ZBTB16: variants seen among roughly 807,000 people sequenced by gnomAD.
ZBTB16 encodes the protein zinc finger and BTB domain-containing protein 16.
Under a neutral mutation model 56.8 loss-of-function variants are expected in ZBTB16, and 8 were observed. The observed-to-expected ratio is 0.14, with a 90% CI of 0.08 to 0.25. The LOEUF is 0.25. Among genes scored for constraint, ZBTB16 ranks in the 10% least tolerant of loss-of-function variants. ZBTB16 has a pLI of 1.00. For missense variants in ZBTB16, 625 were observed against 903.0 expected, an observed-to-expected ratio of 0.69 and a Z score of 3.95; for synonymous variants, 363 against 368.5, an observed-to-expected ratio of 0.98 and a Z score of 0.17.
chr11:114,234,813 C>T (rs532037119), intron 4 of ZBTB16, among the ~76,000 whole-genome samples: 1 of 152,332 alleles, frequency 6.6e-6, no homozygotes, highest in South Asian at 2.1e-4. Flanking sequence ...ATGCTGCTTG[C>T]CTCTGCCTCT....
chr11:114,151,771 C>A (rs901930186), intron 2 of ZBTB16, among the ~76,000 whole-genome samples: 1 of 152,192 alleles, frequency 6.6e-6, no homozygotes, highest in Non-Finnish European at 1.5e-5. Flanking sequence ...AGCCTTCCCC[C>A]CTTGGTCCCT....
At chr11:114,138,222 G>A (rs771944986) in intron 2 of ZBTB16, among the ~76,000 whole-genome samples, 5 of 152,192 alleles carry the variant, frequency 3.3e-5, no homozygotes, top group African/African-American at 4.8e-5. Flanking sequence ...GGAGCAGGTA[G>A]CATTCATATT....
At chr11:114,145,583 A>G (rs1942077624) in intron 2 of ZBTB16, among the ~76,000 whole-genome samples, 1 of 152,236 alleles carries the variant, frequency 6.6e-6, no homozygotes, top group African/African-American at 2.4e-5. Context: ...AATGTTCAAA[A>G]TAGGCAAATC....
chr11:114,121,012 G>A (rs1941327182), intron 2 of ZBTB16, among the ~76,000 whole-genome samples: 1 of 152,192 alleles, frequency 6.6e-6, no homozygotes. Flanking sequence ...AAAAAGACTG[G>A]AGAGCCAATC....
intron 2 of ZBTB16, among the ~76,000 whole-genome samples, chr11:114,129,066 TG>T (rs1941595037): frequency 6.6e-6 from 1 of 152,188 alleles, no homozygotes; most frequent in African/African-American, 2.4e-5. Context: ...TGGGTCTGCG[TG>T]GGTGGGGGCG....
At chr11:114,185,618 G>T (rs889042044) in intron 3 of ZBTB16, among the ~76,000 whole-genome samples, 1 of 152,212 alleles carries the variant, frequency 6.6e-6, no homozygotes, top group Admixed American at 6.5e-5. Flanking sequence ...GGCTGGTGGT[G>T]TGGAAACCAC....
chr11:114,176,567 C>G (rs986659554), intron 3 of ZBTB16, among the ~76,000 whole-genome samples: 1 of 152,134 alleles, frequency 6.6e-6, no homozygotes, highest in African/African-American at 2.4e-5. Flanking sequence ...ACCGGGGAAC[C>G]CAGCCCTCGC....
intron 4 of ZBTB16, among the ~76,000 whole-genome samples, chr11:114,215,725 T>C (rs568798216): frequency 4.6e-5 from 7 of 152,342 alleles, no homozygotes; most frequent in South Asian, 2.1e-4. Context: ...TGGGCACATA[T>C]ATAGATGCCC....
intron 3 of ZBTB16, among the ~76,000 whole-genome samples, chr11:114,182,295 C>T (rs1943267382): frequency 6.6e-6 from 1 of 152,194 alleles, no homozygotes; most frequent in Non-Finnish European, 1.5e-5. Flanking sequence ...AGTGATCTAC[C>T]CATCCCGGCC....
At position 114,256,020 on chromosome 11, in the gene ZBTB16, T is replaced by G. The variant is rs1157108837; in HGVS notation, c.*5465T>G. Among the ~76,000 whole-genome samples the G allele has an allele frequency of 7.2e-5, 3 of 41,840 alleles. No individual in the cohort carries two copies. In the South Asian group the frequency reaches 4.7e-3, roughly 65 times the overall value. The allele number at this position is 41,840 out of a possible 152,430, so 27.4% of individuals were successfully genotyped here. ...TTTTATTGAAGTACTTGGTTTTGTTTTGTTTTTTTTTTTTGTTTTTTTTGC... is the reference window on the plus strand; with the variant it reads ...TTTTATTGAAGTACTTGGTTTTGTTGTGTTTTTTTTTTTTGTTTTTTTTGC... On this transcript the variant is annotated 3_prime_UTR_variant, in exon 7 of 7. Transcript: ENST00000335953.
rs117833288 is a variant in ZBTB16, at chr11:114,182,758, C to T, written c.1367-4194C>T. The stretch of plus-strand genomic sequence containing the variant: ...TGTATTAGTGGCTGCATGATGTCAC[C>T]GTAATGCATTTTGGGAATAGCCATG... On this transcript the variant is annotated intron_variant, in intron 3 of 6. Transcript: ENST00000335953. Among the ~76,000 whole-genome samples, 493 of 152,260 alleles carry T rather than the reference C, an allele frequency of 3.2e-3. 1 individual carries two copies. Among genetic ancestry groups the T allele is most frequent in the Non-Finnish European group, 5.7e-3 (385 of 68,024 alleles).
intron 2 of ZBTB16, among the ~76,000 whole-genome samples, chr11:114,072,843 G>A (rs914719537): frequency 1.1e-4 from 16 of 152,022 alleles, no homozygotes; most frequent in Non-Finnish European, 1.8e-4. Context: ...ACGAGGTCAG[G>A]AGATCGAGAC....
intron 3 of ZBTB16, among the ~76,000 whole-genome samples, chr11:114,185,425 C>T (rs538751764): frequency 2.1e-4 from 32 of 152,102 alleles, no homozygotes; most frequent in Non-Finnish European, 4.1e-4. Context: ...CAGAGAGGGC[C>T]GGTGAGGACA....
intron 4 of ZBTB16, among the ~76,000 whole-genome samples, chr11:114,241,578 A>G (rs1944704363): frequency 6.6e-6 from 1 of 152,208 alleles, no homozygotes; most frequent in South Asian, 2.1e-4. Context: ...CCATACGTGG[A>G]AAAATTGCCT....
chr11:114,247,283 T>C lies in ZBTB16; in HGVS notation c.1710T>C (p.Gly570=). ...AGAGCCACAAACGCATCCACACGGG[T>C]GAGAAACCCTACGAGTGCAATGGCT... ...TLKSHKRIHT[G]EKPYECNGCG... is the part of the protein sequence containing the mutation. The change falls in exon 6 of 7, where the codon GGT becomes GGC. Residue 570 remains glycine, a synonymous_variant. Transcript: ENST00000335953. 4 of 1,614,082 alleles carry C rather than the reference T, an allele frequency of 2.5e-6. No homozygotes were observed. Among genetic ancestry groups the C allele is most frequent in the Non-Finnish European group, 3.4e-6 (4 of 1,180,008 alleles).
At chr11:114,111,195 A>G (rs967621032) in intron 2 of ZBTB16, among the ~76,000 whole-genome samples, 1 of 142,590 alleles carries the variant, frequency 7.0e-6, no homozygotes, top group Non-Finnish European at 1.5e-5. Context: ...GCGCGAGATA[A>G]CTTGGCTGGA....
chr11:114,158,663 G>A (rs113978741), intron 3 of ZBTB16, among the ~76,000 whole-genome samples: 312 of 152,218 alleles, frequency 2.0e-3, no homozygotes, highest in African/African-American at 7.4e-3. Flanking sequence ...GTGATCTGGG[G>A]CAAGAACCAT....
At chr11:114,104,427 G>T (rs1450639827) in intron 2 of ZBTB16, among the ~76,000 whole-genome samples, 2 of 152,154 alleles carry the variant, frequency 1.3e-5, no homozygotes, top group Non-Finnish European at 2.9e-5. Context: ...CCTGGATCAG[G>T]CTATCTCTGC....
chr11:114,076,548 G>A (rs981162297), intron 2 of ZBTB16, among the ~76,000 whole-genome samples: 2 of 152,152 alleles, frequency 1.3e-5, no homozygotes, highest in Non-Finnish European at 2.9e-5. Flanking sequence ...AAGTTAAATC[G>A]TGACAGTTGT....
Sources: gnomAD v4.1 joint callset for allele counts (sites outside exome capture counted in the v4.1 genomes callset) on GRCh38, gnomAD v4.1.1 for gene constraint, MANE v1.5 for transcripts, NCBI Gene and HGNC (gene_info 2026-07-23, HGNC 2026-07-21) for gene names.